DOCK9: variants seen among roughly 807,000 people sequenced by gnomAD.
DOCK9 encodes dedicator of cytokinesis protein 9.
Under a neutral mutation model 263.3 loss-of-function variants are expected in DOCK9, and 89 were observed. That is an observed-to-expected ratio of 0.34 (90% CI 0.28 to 0.40). DOCK9 has a LOEUF of 0.40. Among genes scored for constraint, DOCK9 ranks in the 10% least tolerant of loss-of-function variants. The probability of loss-of-function intolerance (pLI) is 1.00; values close to 1 mark genes in which losing one functional copy is unlikely to be tolerated. For missense variants in DOCK9, 2,140 were observed against 2,603.4 expected, an observed-to-expected ratio of 0.82 and a Z score of 3.87; for synonymous variants, 976 against 973.1, an observed-to-expected ratio of 1.00 and a Z score of -0.06.
At chr13:99,026,564 A>G (rs1886752614) in intron 1 of DOCK9, among the ~76,000 whole-genome samples, 1 of 152,246 alleles carries the variant, frequency 6.6e-6, no homozygotes, top group African/African-American at 2.4e-5. Flanking sequence ...TGTCTGGTCA[A>G]TAACTGGTTC....
At chr13:98,805,633 GTTAGT>G in intron 48 of DOCK9, among the ~76,000 whole-genome samples, 1 of 152,258 alleles carries the variant, frequency 6.6e-6, no homozygotes, top group East Asian at 1.9e-4. Flanking sequence ...TCTCCAGAAT[GTTAGT>G]TATAGATATT....
chr13:98,820,615 A>T (rs890924748), intron 45 of DOCK9: 5 of 371,002 alleles, frequency 1.3e-5, no homozygotes, highest in African/African-American at 1.1e-4. Flanking sequence ...ACTCGTATAT[A>T]TGGGGAGATG....
upstream of DOCK9, chr13:99,088,290 C>A (rs2042392324): frequency 6.6e-6 from 1 of 152,312 alleles, no homozygotes; most frequent in South Asian, 2.1e-4. Context: ...TTCCAGACCT[C>A]TTCTGTCCTA....
intron 1 of DOCK9, among the ~76,000 whole-genome samples, chr13:99,022,763 C>T (rs1397488077): frequency 6.6e-6 from 1 of 152,128 alleles, no homozygotes; most frequent in Non-Finnish European, 1.5e-5. Flanking sequence ...AGCAACATAG[C>T]AAGACCCCAG....
chr13:99,015,671 G>T, intron 1 of DOCK9: 1 of 1,500,388 alleles, frequency 6.7e-7, no homozygotes, highest in Non-Finnish European at 8.9e-7. Flanking sequence ...CCTCTTCCTT[G>T]GCTCTTCCGA....
chr13:98,969,792 A>G (rs1426696946), intron 1 of DOCK9, among the ~76,000 whole-genome samples: 2 of 152,230 alleles, frequency 1.3e-5, no homozygotes, highest in African/African-American at 4.8e-5. Flanking sequence ...AGCTGTGCCC[A>G]GGTGTGAAAG....
intron 1 of DOCK9, among the ~76,000 whole-genome samples, chr13:99,016,974 A>T (rs1361164130): frequency 6.6e-6 from 1 of 152,178 alleles, no homozygotes; most frequent in East Asian, 1.9e-4. Context: ...TGATCCCATA[A>T]TGTCTGTTTT....
intron 1 of DOCK9, among the ~76,000 whole-genome samples, chr13:99,054,233 CAGCCTTGGTCT>C (rs778392489): frequency 4.6e-5 from 7 of 152,118 alleles, no homozygotes; most frequent in Non-Finnish European, 5.9e-5. Context: ...AGAAAAAAAA[CAGCCTTGGTCT>C]AGAGTAATTA....
rs1044650372 is a variant in DOCK9, at chr13:98,863,493, C to T, written c.3342G>A (p.Val1114=). Residue 1114 remains valine (V), a synonymous_variant, in exon 31 of 53, where the codon GTG becomes GTA. Transcript: ENST00000682017. ...TDEFCRNHFL[V]GLLLREVGTA... is the part of the protein sequence containing the mutation. ...TCCCCACCTCCCTCAGTAACAGTCC[C>T]ACCAAGAAGTGGTTTCTGCAGAACT... The T allele has an allele frequency of 2.5e-6, 4 of 1,613,812 alleles. No homozygotes were observed. Among genetic ancestry groups the T allele is most frequent in the African/African-American group, 2.7e-5 (2 of 74,908 alleles).
rs1318571883 is a variant in DOCK9 at position 99,058,792 on chromosome 13, C to A, written c.129+27431G>T. Among the ~76,000 whole-genome samples, 3 of 152,280 alleles carry A rather than the reference C, an allele frequency of 2.0e-5. No homozygotes were observed. The East Asian group carries it at 5.8e-4, about 29-fold the overall frequency. On this transcript the variant is annotated intron_variant, in intron 1 of 32. Coordinates refer to the DOCK9 transcript ENST00000427887. ...CACCCCCTAAAGCACTCATAGGGCA[C>A]ATGTAGCAGCCACACACGAGCCCTG...
In DOCK9 at chr13:98,810,385, G is replaced by A. The variant is rs1055882976; in HGVS notation, c.5131-94C>T. 1.3e-5 allele frequency: 20 copies of A among 1,504,072 alleles called. 1 individual carries two copies. The African/African-American group carries it at 1.9e-4, about 15-fold the overall frequency. The allele number at this position is 1,504,072 out of a possible 1,614,324, so 93.2% of individuals were successfully genotyped here. On this transcript the variant is annotated intron_variant, in intron 45 of 52. Coordinates refer to ENST00000682017, the MANE Select transcript of DOCK9 (RefSeq NM_001366683.2). Reference sequence around the variant, plus strand: ...GAATGCTAAGTGCTAAGACTGCCAGGAGGAATTTTTCACAATAGACAACAT... The same window carrying A: ...GAATGCTAAGTGCTAAGACTGCCAGAAGGAATTTTTCACAATAGACAACAT...
chr13:98,904,982 T>A (rs1235434839), intron 9 of DOCK9, among the ~76,000 whole-genome samples: 1 of 152,158 alleles, frequency 6.6e-6, no homozygotes, highest in South Asian at 2.1e-4. Context: ...TAATTAAGCA[T>A]CTGTGTGTCA....
At chr13:98,826,711 T>C (rs1244257827) in intron 44 of DOCK9, 119 bp downstream of exon 44, 2 of 783,290 alleles carry the variant, frequency 2.6e-6, no homozygotes, top group African/African-American at 1.7e-5. Context: ...AAACAACGAA[T>C]ACACTTCACA....
At chr13:99,011,759 T>C (rs1186900176) in intron 1 of DOCK9, among the ~76,000 whole-genome samples, 1 of 152,226 alleles carries the variant, frequency 6.6e-6, no homozygotes, top group Non-Finnish European at 1.5e-5. Flanking sequence ...CACACAACTA[T>C]TAAGTTGTGA....
chr13:98,920,972 G>C lies in DOCK9; in HGVS notation c.699C>G (p.Ser233=). 1 of 1,607,810 alleles carries C rather than the reference G, an allele frequency of 6.2e-7. No homozygotes were observed. Among genetic ancestry groups the C allele is most frequent in the Non-Finnish European group, 8.5e-7 (1 of 1,177,002 alleles). The part of the protein sequence containing the change: ...KEPKGSIFLD[S]CMGVVQNNKV... ...TATTTACCTGAACGACACCCATACA[G>C]GAATCCAGAAATATTGATCCTTTTG... Residue 233 remains serine, a synonymous_variant, in exon 7 of 53, where the codon TCC becomes TCG. Transcript: ENST00000682017.
At chr13:98,809,307 T>G (rs766833057) in intron 47 of DOCK9, 45 bp downstream of exon 47, 27 of 1,512,676 alleles carry the variant, frequency 1.8e-5, no homozygotes, top group African/African-American at 5.6e-5. Context: ...TTTTGTTTTT[T>G]TTTAAAGGAC....
intron 9 of DOCK9, among the ~76,000 whole-genome samples, chr13:98,912,923 C>A (rs1408719): frequency 6.6e-6 from 1 of 151,950 alleles, no homozygotes; most frequent in Non-Finnish European, 1.5e-5. Context: ...AACCCCCAAA[C>A]ATCCAGAAAC....
chr13:98,974,866 C>T (rs1009245726), intron 1 of DOCK9, among the ~76,000 whole-genome samples: 38 of 151,334 alleles, frequency 2.5e-4, no homozygotes, highest in African/African-American at 7.1e-4. Flanking sequence ...ACCTTCAAAG[C>T]GGCCCTGGCA....
At chr13:98,941,348 C>T (rs2055811374) in intron 2 of DOCK9, among the ~76,000 whole-genome samples, 1 of 152,176 alleles carries the variant, frequency 6.6e-6, no homozygotes, top group African/African-American at 2.4e-5. Context: ...AGCGTCTCAG[C>T]AACACGTGAG....
Sources: gnomAD v4.1 joint callset for allele counts (sites outside exome capture counted in the v4.1 genomes callset) on GRCh38, gnomAD v4.1.1 for gene constraint, MANE v1.5 for transcripts, NCBI Gene and HGNC (gene_info 2026-07-23, HGNC 2026-07-21) for gene names.